Variants in COTL1 observed in about 807,000 individuals in gnomAD.
The protein encoded by COTL1 is coactosin-like protein.
COTL1 carries 15 observed loss-of-function variants against 16.5 expected under a neutral mutation model. The ratio of observed to expected loss-of-function variants is 0.91; its 90% CI spans 0.61 to 1.40. The LOEUF is 1.40. Ranked by LOEUF, COTL1 falls within the 40% of genes most tolerant of loss-of-function variation. The probability of loss-of-function intolerance (pLI) is 0.00; values close to 1 mark genes in which losing one functional copy is unlikely to be tolerated. For missense variants in COTL1, 220 were observed against 201.5 expected, an observed-to-expected ratio of 1.09 and a Z score of -0.56; for synonymous variants, 112 against 85.3, an observed-to-expected ratio of 1.31 and a Z score of -1.73.
intron 3 of COTL1, among the ~76,000 whole-genome samples, chr16:84,578,800 G>C (rs1030172233): frequency 1.3e-5 from 2 of 149,982 alleles, no homozygotes; most frequent in Non-Finnish European, 3.0e-5. Flanking sequence ...GACACACAGG[G>C]ATATGTCCAC....
intron 2 of COTL1, among the ~76,000 whole-genome samples, chr16:84,606,878 C>A (rs1260975111): frequency 6.6e-6 from 1 of 152,170 alleles, no homozygotes; most frequent in Non-Finnish European, 1.5e-5. Flanking sequence ...CGCCTACAGC[C>A]CATAAGAAGT....
intron 3 of COTL1, among the ~76,000 whole-genome samples, chr16:84,571,580 A>C: frequency 6.6e-6 from 1 of 151,066 alleles, no homozygotes; most frequent in African/African-American, 2.4e-5. Flanking sequence ...TGTCTTGTCC[A>C]CCCCTTCCCC....
intron 2 of COTL1, among the ~76,000 whole-genome samples, chr16:84,593,564 T>C (rs965849884): frequency 2.0e-5 from 3 of 151,462 alleles, no homozygotes; most frequent in Non-Finnish European, 4.4e-5. Flanking sequence ...CAGGCTGGAG[T>C]GCAGTGGCGC....
chr16:84,600,582 G>C (rs762615814), intron 2 of COTL1, among the ~76,000 whole-genome samples: 5 of 152,222 alleles, frequency 3.3e-5, no homozygotes, highest in Non-Finnish European at 5.9e-5. Flanking sequence ...CAAAGAGCCA[G>C]GATTACAGGC....
intron 2 of COTL1, chr16:84,596,239 G>T (rs1414593220): frequency 1.3e-5 from 2 of 152,250 alleles, no homozygotes; most frequent in Non-Finnish European, 2.9e-5. Context: ...CAGCACAGGG[G>T]AGTGGTCTAT....
chr16:84,571,581 C>A (rs996690405), intron 3 of COTL1, among the ~76,000 whole-genome samples: 1 of 152,208 alleles, frequency 6.6e-6, no homozygotes, highest in Non-Finnish European at 1.5e-5. Context: ...GTCTTGTCCA[C>A]CCCTTCCCCG....
At chr16:84,582,450 C>G (rs2914829) in intron 3 of COTL1, among the ~76,000 whole-genome samples, 19,616 of 152,216 alleles carry the variant, frequency 0.13, 2,701 homozygotes, top group African/African-American at 0.34. Context: ...GGCCTCATTT[C>G]TTCATTTCTT....
intron 3 of COTL1, among the ~76,000 whole-genome samples, chr16:84,571,263 C>T (rs1053343426): frequency 1.3e-5 from 2 of 152,108 alleles, no homozygotes; most frequent in Non-Finnish European, 2.9e-5. Context: ...CTCGATGCAG[C>T]CCACGCCAGT....
At chr16:84,588,026 C>A (rs1418430316) in intron 3 of COTL1, among the ~76,000 whole-genome samples, 1 of 151,978 alleles carries the variant, frequency 6.6e-6, no homozygotes, top group African/African-American at 2.4e-5. Context: ...CCTGCCTTGG[C>A]CTCCCAAAGT....
At chr16:84,594,495 C>T (rs1904948638) in intron 2 of COTL1, 1 of 152,234 alleles carries the variant, frequency 6.6e-6, no homozygotes, top group East Asian at 1.9e-4. Context: ...GTCTGGGAAG[C>T]CAGGGCTCTG....
intron 3 of COTL1, among the ~76,000 whole-genome samples, chr16:84,579,831 G>A (rs554279453): frequency 6.6e-6 from 1 of 152,316 alleles, no homozygotes; most frequent in African/African-American, 2.4e-5. Context: ...AGAGGGGGAG[G>A]AAAGACACTC....
In COTL1 at chr16:84,605,394, G is replaced by A. The variant is rs1027267566; in HGVS notation, c.160+12107C>T. On this transcript the variant is annotated intron_variant, in intron 2 of 3. Coordinates refer to ENST00000262428, the MANE Select transcript of COTL1 (RefSeq NM_021149.5). ...ATTAAATGAAATCACAAGTGACTGCGGCAGGCAAAACAACGGCCCCTAAGA... is the reference window on the plus strand; with the variant it reads ...ATTAAATGAAATCACAAGTGACTGCAGCAGGCAAAACAACGGCCCCTAAGA... 5.9e-5 allele frequency among the ~76,000 whole-genome samples: 9 copies of A among 152,302 alleles called. No homozygotes were observed. In the South Asian group the frequency reaches 1.0e-3, roughly 18 times the overall value.
intron 2 of COTL1, among the ~76,000 whole-genome samples, chr16:84,592,664 G>T (rs1196624813): frequency 6.6e-6 from 1 of 150,894 alleles, no homozygotes; most frequent in Non-Finnish European, 1.5e-5. Context: ...GCAGAGTCCC[G>T]CACGAAGCAT....
intron 2 of COTL1, among the ~76,000 whole-genome samples, chr16:84,609,404 G>A (rs1232708117): frequency 2.0e-5 from 3 of 152,224 alleles, no homozygotes; most frequent in Non-Finnish European, 4.4e-5. Context: ...CAGTCTTCCT[G>A]GAGGCATAGC....
At chr16:84,580,374 G>A (rs1484504145) in intron 3 of COTL1, among the ~76,000 whole-genome samples, 1 of 152,116 alleles carries the variant, frequency 6.6e-6, no homozygotes, top group Non-Finnish European at 1.5e-5. Flanking sequence ...AGCCTCCCGA[G>A]TAGCTTGGAC....
At chr16:84,607,223 A>C (rs940036824) in intron 2 of COTL1, among the ~76,000 whole-genome samples, 1 of 152,166 alleles carries the variant, frequency 6.6e-6, no homozygotes, top group African/African-American at 2.4e-5. Context: ...AGCAGAGGGA[A>C]CATTCACACC....
Position 84,590,035 on chromosome 16 carries a change from C to A in COTL1, c.318+70G>T. 3 of 1,511,972 alleles carry A rather than the reference C, an allele frequency of 2.0e-6. No homozygotes were observed. Among genetic ancestry groups the A allele is most frequent in the Admixed American group, 1.8e-5 (1 of 54,478 alleles). 93.7% of individuals were successfully genotyped at this position (1,511,972 alleles called of 1,614,324 possible). ...CTACAGACCCAGGAGTCGAACCCAG[C>A]CCTCTCCCTCCTTGCAGGATGGTGA... On this transcript the variant is annotated intron_variant, in intron 3 of 3. Coordinates refer to ENST00000262428, the MANE Select transcript of COTL1 (RefSeq NM_021149.5). This position sits in a 1 kb window ranked among gnomAD's most constrained non-coding sequence, Gnocchi z 5.5.
intron 3 of COTL1, among the ~76,000 whole-genome samples, chr16:84,581,196 GAGC>G (rs1478332830): frequency 1.3e-5 from 1 of 77,190 alleles, no homozygotes; most frequent in African/African-American, 7.7e-5. Flanking sequence ...TGTATGACAT[GAGC>G]AACAAGAAGT....
chr16:84,597,927 G>A (rs539844287), intron 2 of COTL1, among the ~76,000 whole-genome samples: 1 of 152,096 alleles, frequency 6.6e-6, no homozygotes, highest in Non-Finnish European at 1.5e-5. Flanking sequence ...TCAGCCCTGG[G>A]TACCAGGAGG....
Sources: allele counts gnomAD v4.1 joint callset (sites outside exome capture counted in the v4.1 genomes callset), GRCh38; gene constraint gnomAD v4.1.1; non-coding constraint Gnocchi (gnomAD v3.1); transcripts MANE v1.5; gene names NCBI Gene and HGNC (gene_info 2026-07-23, HGNC 2026-07-21).